TBC1D14: variants seen among roughly 807,000 people sequenced by gnomAD.
TBC1D14 encodes the protein TBC1 domain family member 14, also known as TBC1 domain family, member 14.
In TBC1D14, 26 loss-of-function variants were observed where a neutral mutation model predicts 79.0. The observed-to-expected ratio is 0.33, with a 90% CI of 0.24 to 0.46. The LOEUF is 0.46. Ranked by LOEUF, TBC1D14 falls within the 20% of genes least tolerant of loss-of-function variation. The probability of loss-of-function intolerance (pLI) is 1.00; values close to 1 mark genes in which losing one functional copy is unlikely to be tolerated. For missense variants in TBC1D14, 769 were observed against 887.6 expected (o/e 0.87, Z 1.70); for synonymous variants, 394 against 349.9 (o/e 1.13, Z -1.40).
intron 1 of TBC1D14, among the ~76,000 whole-genome samples, chr4:6,919,505 A>G (rs982941755): frequency 6.6e-6 from 1 of 151,966 alleles, no homozygotes; most frequent in Non-Finnish European, 1.5e-5. Context: ...AGTGTAGTAC[A>G]GTGTGGTTCT....
At chr4:6,987,096 G>C (rs1358149165) in intron 3 of TBC1D14, 290 of 427,114 alleles carry the variant, frequency 6.8e-4, no homozygotes, top group Admixed American at 8.4e-4. Context: ...CCTTGTGCCC[G>C]CCCCTCGCCG....
At chr4:6,977,737 ATCCC>A (rs1716898341) in intron 3 of TBC1D14, among the ~76,000 whole-genome samples, 8 of 47,202 alleles carry the variant, frequency 1.7e-4, no homozygotes, top group Non-Finnish European at 4.6e-5. Context: ...CCAGGCCGCC[ATCCC>A]ATCTAGGAAG....
intron 12 of TBC1D14, among the ~76,000 whole-genome samples, chr4:7,021,600 AAAAAG>A (rs1478101505): frequency 1.3e-5 from 2 of 152,330 alleles, no homozygotes; most frequent in South Asian, 2.1e-4. Flanking sequence ...CTGTCTTAAC[AAAAAG>A]AAAAGAGAAG....
chr4:7,007,949 A>T (rs192041068), intron 9 of TBC1D14, among the ~76,000 whole-genome samples: 19 of 152,232 alleles, frequency 1.2e-4, no homozygotes, highest in Non-Finnish European at 2.2e-4. Flanking sequence ...CTTTCTGGAA[A>T]GGAGTTTTAC....
intron 3 of TBC1D14, among the ~76,000 whole-genome samples, chr4:6,973,269 C>T (rs1716376326): frequency 6.6e-6 from 1 of 151,786 alleles, no homozygotes; most frequent in African/African-American, 2.4e-5. Flanking sequence ...ATTTTCTCTC[C>T]TCACCTCTGA....
chr4:6,929,001 T>C (rs1023418282), intron 2 of TBC1D14, among the ~76,000 whole-genome samples: 4 of 152,252 alleles, frequency 2.6e-5, no homozygotes, highest in African/African-American at 7.2e-5. Context: ...ATTGTAACTA[T>C]GCCTTTTCTG....
intron 2 of TBC1D14, among the ~76,000 whole-genome samples, chr4:6,942,763 G>T (rs1713030563): frequency 6.6e-6 from 1 of 152,162 alleles, no homozygotes; most frequent in African/African-American, 2.4e-5. Flanking sequence ...AAGAAGGAAG[G>T]TGAGGGGCCA....
intron 3 of TBC1D14, among the ~76,000 whole-genome samples, chr4:6,978,105 C>T (rs1303347853): frequency 1.3e-3 from 198 of 148,846 alleles, no homozygotes; most frequent in Middle Eastern, 3.6e-3. Context: ...CCGCCCCATC[C>T]GGGAGGGAGG....
In TBC1D14 at chr4:7,028,305, T is replaced by C. The variant is rs889332840; in HGVS notation, c.2017-2022T>C. Among the ~76,000 whole-genome samples the C allele has an allele frequency of 8.5e-5, 13 of 152,234 alleles. 1 individual carries two copies. In the South Asian group the frequency reaches 2.7e-3, roughly 32 times the overall value. ...CATATTTTAGGGACTAGGTAAAAACTATTGGTTAAAACTGGGTCAGATTAT... is the reference window on the plus strand; with the variant it reads ...CATATTTTAGGGACTAGGTAAAAACCATTGGTTAAAACTGGGTCAGATTAT... On this transcript the variant is annotated intron_variant, in intron 13 of 13. Transcript: ENST00000409757.
intron 6 of TBC1D14, among the ~76,000 whole-genome samples, chr4:6,999,560 C>T (rs1377581618): frequency 1.3e-5 from 2 of 152,078 alleles, no homozygotes; most frequent in African/African-American, 4.8e-5. Context: ...CCTCGGCAGC[C>T]TCACCCTCGG....
intron 8 of TBC1D14, 82 bp from the exon 9 acceptor site, chr4:7,006,550 T>G: frequency 7.6e-7 from 1 of 1,315,418 alleles, no homozygotes; most frequent in Non-Finnish European, 1.1e-6. Context: ...CCGTGTTTTG[T>G]TCTTGTAAAA....
chr4:6,925,246 G>A (rs540867407), intron 2 of TBC1D14, among the ~76,000 whole-genome samples: 43 of 152,320 alleles, frequency 2.8e-4, no homozygotes, highest in African/African-American at 9.9e-4. Flanking sequence ...CAGCCTGGGC[G>A]ACAGAATGAG....
chr4:6,924,635 C>G (rs1402105159), intron 2 of TBC1D14, among the ~76,000 whole-genome samples: 1 of 126,268 alleles, frequency 7.9e-6, no homozygotes, highest in South Asian at 2.9e-4. Context: ...CTCTGCTGCA[C>G]TGCAGCCCCA....
At chr4:6,951,815 A>G (rs1480778758) in intron 2 of TBC1D14, among the ~76,000 whole-genome samples, 1 of 152,014 alleles carries the variant, frequency 6.6e-6, no homozygotes, top group East Asian at 1.9e-4. Flanking sequence ...TTTGACCTGG[A>G]GTTTTCTTTG....
intron 13 of TBC1D14, among the ~76,000 whole-genome samples, chr4:7,030,076 T>C (rs1415840425): frequency 1.3e-5 from 2 of 152,136 alleles, no homozygotes; most frequent in Non-Finnish European, 2.9e-5. Flanking sequence ...CCCCCAGCTG[T>C]GCTTTGACGT....
chr4:6,947,631 C>T (rs1336875431), intron 2 of TBC1D14, among the ~76,000 whole-genome samples: 1 of 150,868 alleles, frequency 6.6e-6, no homozygotes, highest in Non-Finnish European at 1.5e-5. Flanking sequence ...CACGGCACTC[C>T]CGCCTGGGCA....
At chr4:6,931,668 G>C (rs1329409806) in intron 2 of TBC1D14, among the ~76,000 whole-genome samples, 1 of 152,124 alleles carries the variant, frequency 6.6e-6, no homozygotes. Context: ...CCTGGGCTTT[G>C]TTTTCTTTTG....
intron 2 of TBC1D14, among the ~76,000 whole-genome samples, chr4:6,932,510 A>G (rs1711856992): frequency 6.6e-6 from 1 of 152,172 alleles, no homozygotes; most frequent in African/African-American, 2.4e-5. Flanking sequence ...CTGGGGATGG[A>G]CAGAGAGAAG....
chr4:7,012,192 G>C (rs1720847454), intron 11 of TBC1D14, among the ~76,000 whole-genome samples: 1 of 151,696 alleles, frequency 6.6e-6, no homozygotes, highest in Non-Finnish European at 1.5e-5. Flanking sequence ...GTCCCAGCTA[G>C]TCGGGAGACT....
Sources: gnomAD v4.1 joint callset for allele counts (sites outside exome capture counted in the v4.1 genomes callset) on GRCh38, gnomAD v4.1.1 for gene constraint, MANE v1.5 for transcripts, NCBI Gene and HGNC (gene_info 2026-07-23, HGNC 2026-07-21) for gene names.